CDH13: variants seen among roughly 807,000 people sequenced by gnomAD.
The protein encoded by CDH13 is cadherin-13.
CDH13 carries 24 observed loss-of-function variants against 63.8 expected under a neutral mutation model. That is an observed-to-expected ratio of 0.38 (90% confidence interval 0.27 to 0.53). The LOEUF (loss-of-function observed/expected upper bound fraction) is 0.53. Among genes scored for constraint, CDH13 ranks in the 20% least tolerant of loss-of-function variants. The probability of loss-of-function intolerance (pLI) is 0.85; values close to 1 mark genes in which losing one functional copy is unlikely to be tolerated. For missense variants in CDH13, 1,049 were observed against 903.1 expected (o/e 1.16, Z -2.07); for synonymous variants, 503 against 355.3 (o/e 1.42, Z -4.67).
chr16:82,877,932 C>CACACACAA (rs1169645074), intron 2 of CDH13, among the ~76,000 whole-genome samples: 2 of 133,218 alleles, frequency 1.5e-5, no homozygotes, highest in African/African-American at 5.6e-5. Context: ...TAGACACACA[C>CACACACAA]ACACACACAC....
At chr16:83,620,245 G>C (rs1909683912) in intron 8 of CDH13, among the ~76,000 whole-genome samples, 1 of 152,058 alleles carries the variant, frequency 6.6e-6, no homozygotes, top group African/African-American at 2.4e-5. Flanking sequence ...ACAAAAATTA[G>C]CCGGGCGTGG....
In CDH13 at chr16:83,244,919, C is replaced by A. The variant is rs190945452; in HGVS notation, c.636+27422C>A. Among the ~76,000 whole-genome samples, 9 of 152,180 alleles carry A rather than the reference C, an allele frequency of 5.9e-5. No homozygotes were observed. The East Asian group carries it at 1.7e-3, about 29-fold the overall frequency. On this transcript the variant is annotated intron_variant, in intron 5 of 13. Transcript: ENST00000567109. Reference sequence around the variant, plus strand: ...TGATAGGTTCCAAATCCCTGACCTCCAGAAGGAAAAACGGTGTTCAGCATA... The same window carrying A: ...TGATAGGTTCCAAATCCCTGACCTCAAGAAGGAAAAACGGTGTTCAGCATA...
intron 1 of CDH13, among the ~76,000 whole-genome samples, chr16:82,743,375 A>G (rs947349850): frequency 1.1e-4 from 16 of 152,116 alleles, no homozygotes; most frequent in Non-Finnish European, 2.2e-4. Context: ...CTACAGGCGC[A>G]GACCACGGCA....
intron 5 of CDH13, among the ~76,000 whole-genome samples, chr16:83,339,671 C>G (rs2090679059): frequency 6.6e-6 from 1 of 152,148 alleles, no homozygotes; most frequent in Non-Finnish European, 1.5e-5. Flanking sequence ...CTTTCCACAG[C>G]TCCTTAAAGC....
At chr16:82,963,326 C>G (rs1041305073) in intron 2 of CDH13, among the ~76,000 whole-genome samples, 1 of 152,098 alleles carries the variant, frequency 6.6e-6, no homozygotes, top group African/African-American at 2.4e-5. Flanking sequence ...TTGTGGTGGA[C>G]CAAGAATGCA....
intron 6 of CDH13, among the ~76,000 whole-genome samples, chr16:83,419,054 G>A (rs1010727262): frequency 4.6e-5 from 7 of 152,114 alleles, no homozygotes. Context: ...AGCACTCTGT[G>A]CCCTTAGTGA....
chr16:82,967,907 A>C (rs866976770), intron 2 of CDH13, among the ~76,000 whole-genome samples: 4 of 152,190 alleles, frequency 2.6e-5, no homozygotes, highest in African/African-American at 7.2e-5. Flanking sequence ...TCCAGACTAC[A>C]CAAATACCTT....
At chr16:83,484,246 G>A (rs2073836768) in intron 6 of CDH13, among the ~76,000 whole-genome samples, 1 of 152,224 alleles carries the variant, frequency 6.6e-6, no homozygotes, top group African/African-American at 2.4e-5. Context: ...GGAATTCTGG[G>A]TGGTGGTAAA....
chr16:83,018,533 T>G (rs913223543), intron 2 of CDH13, among the ~76,000 whole-genome samples: 2 of 152,236 alleles, frequency 1.3e-5, no homozygotes, highest in East Asian at 3.8e-4. Context: ...AAGTACCCAG[T>G]GACAAGCACA....
At chr16:83,184,370 C>G (rs1234060946) in intron 4 of CDH13, among the ~76,000 whole-genome samples, 1 of 152,098 alleles carries the variant, frequency 6.6e-6, no homozygotes, top group Non-Finnish European at 1.5e-5. Flanking sequence ...CGTATCATTC[C>G]TCAACCAACA....
chr16:83,434,606 C>T (rs891933436), intron 6 of CDH13, among the ~76,000 whole-genome samples: 4 of 151,904 alleles, frequency 2.6e-5, no homozygotes, highest in Non-Finnish European at 5.9e-5. Context: ...CAGATCCATC[C>T]AGTGTGCCAC....
At chr16:82,804,289 ACACACACACACACACACACACACG>A (rs1460851581) in intron 1 of CDH13, among the ~76,000 whole-genome samples, 1 of 141,652 alleles carries the variant, frequency 7.1e-6, no homozygotes, top group African/African-American at 2.8e-5. Flanking sequence ...ACACACACAC[ACACACACACACACACACACACACG>A]CACACACATA....
intron 5 of CDH13, among the ~76,000 whole-genome samples, chr16:83,305,236 G>T (rs2089847284): frequency 6.6e-6 from 1 of 152,212 alleles, no homozygotes; most frequent in Admixed American, 6.5e-5. Context: ...GGACTGTCCT[G>T]CTGTTGATGA....
chr16:83,357,899 A>G (rs1567614801), intron 6 of CDH13, among the ~76,000 whole-genome samples: 1 of 152,178 alleles, frequency 6.6e-6, no homozygotes, highest in Non-Finnish European at 1.5e-5. Context: ...TCGTTTTAAC[A>G]GTGAGCATTT....
At chr16:83,213,253 T>A (rs1202085821) in intron 4 of CDH13, among the ~76,000 whole-genome samples, 1 of 152,064 alleles carries the variant, frequency 6.6e-6, no homozygotes, top group East Asian at 1.9e-4. Context: ...TGGCTCAAGC[T>A]CTCTGAGAGA....
At chr16:83,098,296 A>C (rs2034303654) in intron 3 of CDH13, among the ~76,000 whole-genome samples, 1 of 152,200 alleles carries the variant, frequency 6.6e-6, no homozygotes, top group Non-Finnish European at 1.5e-5. Context: ...CTCCTTTCCC[A>C]GCCTTTGCAC....
At chr16:82,749,115 T>G (rs1002962714) in intron 1 of CDH13, among the ~76,000 whole-genome samples, 2 of 150,966 alleles carry the variant, frequency 1.3e-5, no homozygotes, top group African/African-American at 2.4e-5. Context: ...ATGGACACAG[T>G]GAGTTGGATA....
chr16:82,692,450 G>T (rs1322006266), intron 1 of CDH13, among the ~76,000 whole-genome samples: 3 of 152,186 alleles, frequency 2.0e-5, no homozygotes, highest in Non-Finnish European at 4.4e-5. Context: ...AGGCAAGAGA[G>T]CATGTGTAGG....
At chr16:82,725,439 C>A (rs2033041699) in intron 1 of CDH13, among the ~76,000 whole-genome samples, 1 of 152,144 alleles carries the variant, frequency 6.6e-6, no homozygotes, top group Admixed American at 6.6e-5. Context: ...CAGCAGGATA[C>A]CCTTGAGGAA....
Sources: allele counts gnomAD v4.1 joint callset (sites outside exome capture counted in the v4.1 genomes callset), GRCh38; gene constraint gnomAD v4.1.1; transcripts MANE v1.5; gene names NCBI Gene and HGNC (gene_info 2026-07-23, HGNC 2026-07-21).